The following CACNB2 variants were observed in gnomAD, a reference collection of about 807,000 sequenced individuals.
CACNB2 encodes calcium voltage-gated channel auxiliary subunit beta 2.
A neutral mutation model predicts 73.3 loss-of-function variants in CACNB2; 42 were observed. That is an observed-to-expected ratio of 0.57 (90% CI 0.45 to 0.74). The LOEUF (loss-of-function observed/expected upper bound fraction) is 0.74, where lower values mean the gene tolerates loss of function less well. CACNB2 is among the 30% of genes least tolerant of loss of function. The probability of loss-of-function intolerance (pLI) is 0.00; values close to 1 mark genes in which losing one functional copy is unlikely to be tolerated. For missense variants in CACNB2, 940 were observed against 853.0 expected (o/e 1.10, Z -1.27); for synonymous variants, 348 against 310.3 (o/e 1.12, Z -1.28).
intron 3 of CACNB2, among the ~76,000 whole-genome samples, chr10:18,457,276 G>A (rs900354796): frequency 6.6e-6 from 1 of 152,070 alleles, no homozygotes; most frequent in African/African-American, 2.4e-5. Context: ...TTTCTATAGA[G>A]ACGGGACCTC....
intron 3 of CACNB2, among the ~76,000 whole-genome samples, chr10:18,431,061 T>C (rs754502607): frequency 2.0e-5 from 3 of 152,200 alleles, no homozygotes; most frequent in Non-Finnish European, 2.9e-5. Flanking sequence ...TAGCTCACTG[T>C]AATCTCAGCC....
At chr10:18,415,632 C>T (rs554527602) in intron 3 of CACNB2, among the ~76,000 whole-genome samples, 5 of 152,232 alleles carry the variant, frequency 3.3e-5, no homozygotes, top group African/African-American at 9.6e-5. Context: ...GCAGAGCCTA[C>T]GTTAACCAGC....
chr10:18,150,775 A>G, intron 1 of CACNB2, 108 bp from the exon 2 acceptor site: 2 of 660,456 alleles, frequency 3.0e-6, no homozygotes, highest in South Asian at 1.9e-5. Flanking sequence ...ATGGCAATGT[A>G]TTACTTGTTT....
intron 3 of CACNB2, among the ~76,000 whole-genome samples, chr10:18,482,720 C>T (rs143617151): frequency 6.0e-4 from 92 of 152,242 alleles, no homozygotes; most frequent in African/African-American, 2.1e-3. Flanking sequence ...CCACGTTGGG[C>T]AGGCTGGTCT....
At chr10:18,271,223 A>T (rs1254055185) in intron 2 of CACNB2, among the ~76,000 whole-genome samples, 4 of 152,202 alleles carry the variant, frequency 2.6e-5, no homozygotes, top group African/African-American at 9.6e-5. Flanking sequence ...CAACTATGTA[A>T]TCATTTCCTC....
chr10:18,304,384 G>A (rs2131849212), intron 2 of CACNB2, among the ~76,000 whole-genome samples: 1 of 152,284 alleles, frequency 6.6e-6, no homozygotes, highest in Non-Finnish European at 1.5e-5. Flanking sequence ...CCTAAGAGTT[G>A]TGGAGCTTAA....
At chr10:18,278,749 A>G (rs10764392) in intron 2 of CACNB2, among the ~76,000 whole-genome samples, 121,456 of 152,070 alleles carry the variant, frequency 0.8, 48,799 homozygotes, top group East Asian at 0.99. Context: ...GGGCGCAGTG[A>G]CCACACTTGT....
At chr10:18,332,054 A>G (rs1248437599) in intron 2 of CACNB2, among the ~76,000 whole-genome samples, 1 of 152,138 alleles carries the variant, frequency 6.6e-6, no homozygotes, top group East Asian at 1.9e-4. Context: ...GGGCAGAGAG[A>G]GGGGAGAGGA....
At chr10:18,218,625 TA>T (rs2035605786) in intron 2 of CACNB2, among the ~76,000 whole-genome samples, 1 of 152,196 alleles carries the variant, frequency 6.6e-6, no homozygotes, top group South Asian at 2.1e-4. Flanking sequence ...CTCATGCCTG[TA>T]ACCCCAGTAC....
intron 2 of CACNB2, among the ~76,000 whole-genome samples, chr10:18,192,091 T>G (rs905282811): frequency 1.3e-5 from 2 of 151,466 alleles, no homozygotes; most frequent in Non-Finnish European, 2.9e-5. Flanking sequence ...AAGTGAATCC[T>G]GAAAAAATCG....
At chr10:18,176,265 G>T (rs1399153333) in intron 2 of CACNB2, among the ~76,000 whole-genome samples, 1 of 152,128 alleles carries the variant, frequency 6.6e-6, no homozygotes, top group East Asian at 1.9e-4. Context: ...AGAAGACACT[G>T]ATGATGGTGA....
chr10:18,532,025 T>G (rs939714762), intron 10 of CACNB2: 1 of 152,208 alleles, frequency 6.6e-6, no homozygotes, highest in South Asian at 2.1e-4. Context: ...CTGACATTTC[T>G]TTATTAGAGT....
chr10:18,514,050 T>G (rs988985508), intron 6 of CACNB2, among the ~76,000 whole-genome samples, 186 bp from the exon 7 acceptor site: 1 of 152,158 alleles, frequency 6.6e-6, no homozygotes, highest in African/African-American at 2.4e-5. Flanking sequence ...TCTTTCAGTT[T>G]CATTAGATTT....
chr10:18,439,330 A>G (rs1038705521), intron 3 of CACNB2, among the ~76,000 whole-genome samples: 7 of 152,220 alleles, frequency 4.6e-5, no homozygotes, highest in Non-Finnish European at 1.0e-4. Context: ...CACCATCTCC[A>G]GCAGTAAGAC....
chr10:18,315,066 T>C (rs2040108455), intron 2 of CACNB2, among the ~76,000 whole-genome samples: 1 of 152,284 alleles, frequency 6.6e-6, no homozygotes, highest in Non-Finnish European at 1.5e-5. Context: ...GCGCCATGGC[T>C]CATGCCTGTA....
intron 2 of CACNB2, among the ~76,000 whole-genome samples, chr10:18,172,882 TG>T (rs1438288134): frequency 1.3e-5 from 2 of 150,934 alleles, no homozygotes; most frequent in Non-Finnish European, 2.9e-5. Context: ...ACTTAACCCT[TG>T]CGAGTTTCAA....
intron 3 of CACNB2, among the ~76,000 whole-genome samples, chr10:18,414,334 T>C (rs141589683): frequency 2.6e-5 from 4 of 152,304 alleles, no homozygotes; most frequent in Non-Finnish European, 5.9e-5. Flanking sequence ...ACCAAGTACT[T>C]GGGAACAAAA....
intron 11 of CACNB2, among the ~76,000 whole-genome samples, chr10:18,535,153 A>G (rs541957649): frequency 2.6e-5 from 4 of 152,348 alleles, no homozygotes; most frequent in South Asian, 4.1e-4. Context: ...TGTATGATCA[A>G]TGAATAACAT....
chr10:18,284,975 G>T (rs1040413892), intron 2 of CACNB2, among the ~76,000 whole-genome samples: 26 of 152,126 alleles, frequency 1.7e-4, no homozygotes, highest in African/African-American at 6.3e-4. Context: ...AATGGGAAAG[G>T]AATTCACCTG....
Sources: allele counts gnomAD v4.1 joint callset (sites outside exome capture counted in the v4.1 genomes callset), GRCh38; gene constraint gnomAD v4.1.1; transcripts MANE v1.5; gene names NCBI Gene and HGNC (gene_info 2026-07-23, HGNC 2026-07-21).